The following TSPAN18 variants were observed in gnomAD, a reference collection of about 807,000 sequenced individuals.
The protein encoded by TSPAN18 is tetraspanin-18.
TSPAN18 carries 14 observed loss-of-function variants against 27.3 expected under a neutral mutation model. The ratio of observed to expected loss-of-function variants is 0.51; its 90% CI spans 0.34 to 0.80. The LOEUF (loss-of-function observed/expected upper bound fraction) is 0.80, where lower values mean the gene tolerates loss of function less well. TSPAN18 is among the 30% of genes least tolerant of loss of function. TSPAN18 has a pLI of 0.01. For synonymous variants in TSPAN18, 143 were observed against 136.5 expected, an observed-to-expected ratio of 1.05 and a Z score of -0.33; for missense variants, 268 against 323.9, an observed-to-expected ratio of 0.83 and a Z score of 1.32.
At chr11:44,764,685 C>A (rs531726435) in intron 2 of TSPAN18, among the ~76,000 whole-genome samples, 173 bp downstream of exon 2, 2 of 152,190 alleles carry the variant, frequency 1.3e-5, no homozygotes, top group African/African-American at 4.8e-5. Context: ...CTTGTCCTCA[C>A]CCCTAGACAT....
At chr11:44,825,432 C>T (rs1259090517) in intron 2 of TSPAN18, among the ~76,000 whole-genome samples, 1 of 152,180 alleles carries the variant, frequency 6.6e-6, no homozygotes, top group Non-Finnish European at 1.5e-5. Context: ...GAGCCCCGGT[C>T]AGTCTGACTC....
intron 5 of TSPAN18, 96 bp from the exon 6 acceptor site, chr11:44,917,876 C>T (rs930468753): frequency 3.9e-5 from 43 of 1,105,452 alleles, no homozygotes; most frequent in Middle Eastern, 2.2e-4. Context: ...GAGTATACTG[C>T]GTCACTGGTG....
chr11:44,803,424 T>C (rs1856525831), intron 2 of TSPAN18, among the ~76,000 whole-genome samples: 1 of 152,146 alleles, frequency 6.6e-6, no homozygotes, highest in Non-Finnish European at 1.5e-5. Context: ...AAACATTAAA[T>C]CAGAGAGGGA....
chr11:44,862,410 C>G (rs912377374), intron 3 of TSPAN18, among the ~76,000 whole-genome samples: 3 of 152,258 alleles, frequency 2.0e-5, no homozygotes, highest in Non-Finnish European at 4.4e-5. Flanking sequence ...CCCCCAGTCT[C>G]TCTCGCTCTG....
intron 2 of TSPAN18, among the ~76,000 whole-genome samples, chr11:44,778,411 T>C (rs1301603865): frequency 6.6e-6 from 1 of 152,144 alleles, no homozygotes; most frequent in East Asian, 1.9e-4. Flanking sequence ...TGCAGCACTT[T>C]TGTTGGTTCC....
In TSPAN18 at chr11:44,804,307, G is replaced by A. The variant is rs147411348; in HGVS notation, c.-153+39795G>A. The stretch of plus-strand genomic sequence containing the variant: ...TTAGTTTCACCATGTTGGCCAGGCC[G>A]GTCTCGAACTCCTGACCCTGTGATC... On this transcript the variant is annotated intron_variant, in intron 2 of 9. Transcript: ENST00000520358. Among the ~76,000 whole-genome samples, 248 of 152,284 alleles carry A rather than the reference G, an allele frequency of 1.6e-3. 3 individuals carry two copies. In the East Asian group the frequency reaches 0.037, roughly 23 times the overall value.
chr11:44,895,223 T>A (rs1347675988), intron 3 of TSPAN18, among the ~76,000 whole-genome samples: 1 of 152,192 alleles, frequency 6.6e-6, no homozygotes, highest in Non-Finnish European at 1.5e-5. Flanking sequence ...AAGCCATGTG[T>A]CCATGGTTCT....
intron 1 of TSPAN18, among the ~76,000 whole-genome samples, chr11:44,745,434 ATGAAG>A (rs1194786618): frequency 6.6e-6 from 1 of 152,212 alleles, no homozygotes; most frequent in African/African-American, 2.4e-5. Context: ...GCTAAAATAA[ATGAAG>A]TGAACAGGCC....
chr11:44,854,436 C>G (rs537278616), intron 2 of TSPAN18, among the ~76,000 whole-genome samples: 1 of 152,148 alleles, frequency 6.6e-6, no homozygotes, highest in Admixed American at 6.5e-5. Flanking sequence ...CAGGTTGGCA[C>G]GGGGCTCAAG....
intron 2 of TSPAN18, among the ~76,000 whole-genome samples, chr11:44,812,566 C>T (rs1050597720): frequency 2.6e-5 from 4 of 152,180 alleles, no homozygotes; most frequent in African/African-American, 9.7e-5. Context: ...GGTGCAAACT[C>T]TGATGGGGGC....
intron 3 of TSPAN18, among the ~76,000 whole-genome samples, chr11:44,889,643 A>T (rs1463691924): frequency 6.6e-6 from 1 of 152,196 alleles, no homozygotes; most frequent in East Asian, 1.9e-4. Context: ...GCTGGAAATG[A>T]CCTGGAAGGG....
chr11:44,923,503 A>G (rs1162883201), intron 8 of TSPAN18, among the ~76,000 whole-genome samples: 1 of 152,088 alleles, frequency 6.6e-6, no homozygotes, highest in Non-Finnish European at 1.5e-5. Flanking sequence ...AGGTGTGTAG[A>G]TGTAAGCTCT....
Position 44,810,180 on chromosome 11 carries a change from T to A in TSPAN18, c.-153+45668T>A, listed in dbSNP as rs144453299. Among the ~76,000 whole-genome samples, 12 of 152,370 alleles carry A rather than the reference T, an allele frequency of 7.9e-5. No homozygotes were observed. The East Asian group carries it at 2.1e-3, about 27-fold the overall frequency. ...TAACATACAATTAGGCATTTTAAAG[T>A]GTGCAATTCAGTGGCATTCAGCTCA... On this transcript the variant is annotated intron_variant, in intron 2 of 9. Coordinates refer to ENST00000520358, the MANE Select transcript of TSPAN18 (RefSeq NM_130783.5).
chr11:44,731,079 C>T (rs550438397), intron 1 of TSPAN18, among the ~76,000 whole-genome samples: 265 of 152,184 alleles, frequency 1.7e-3, no homozygotes, highest in Non-Finnish European at 3.1e-3. Flanking sequence ...GTGAATTCAA[C>T]AACTTGGAGA....
chr11:44,863,727 G>T (rs1857958048), intron 3 of TSPAN18, among the ~76,000 whole-genome samples: 7 of 152,114 alleles, frequency 4.6e-5, no homozygotes, highest in Admixed American at 4.6e-4. Flanking sequence ...TCAGACCTGG[G>T]TTCGGATCTG....
intron 2 of TSPAN18, among the ~76,000 whole-genome samples, chr11:44,794,535 G>T (rs1189912390): frequency 2.0e-5 from 3 of 152,256 alleles, no homozygotes; most frequent in African/African-American, 4.8e-5. Context: ...GGTTGTGGTG[G>T]CACACGCCTG....
intron 1 of TSPAN18, among the ~76,000 whole-genome samples, chr11:44,734,941 G>A (rs577786091): frequency 1.6e-3 from 238 of 152,346 alleles, no homozygotes; most frequent in South Asian, 2.5e-3. Context: ...AGCCCTTGGG[G>A]AATGAGGCAT....
chr11:44,865,873 C>G (rs1030031046), intron 3 of TSPAN18, among the ~76,000 whole-genome samples: 3 of 152,204 alleles, frequency 2.0e-5, no homozygotes, highest in Non-Finnish European at 4.4e-5. Flanking sequence ...ACTGTTTGCT[C>G]TGAGTCACAG....
intron 2 of TSPAN18, among the ~76,000 whole-genome samples, chr11:44,807,522 C>T (rs1439311104): frequency 9.7e-5 from 8 of 82,216 alleles, no homozygotes; most frequent in African/African-American, 4.2e-4. Flanking sequence ...AGTGAAACTC[C>T]ATCTCAAAAA....
Sources: allele counts gnomAD v4.1 joint callset (sites outside exome capture counted in the v4.1 genomes callset), GRCh38; gene constraint gnomAD v4.1.1; transcripts MANE v1.5; gene names NCBI Gene and HGNC (gene_info 2026-07-23, HGNC 2026-07-21).